The following IGFN1 variants were observed in gnomAD, a reference collection of about 807,000 sequenced individuals.
IGFN1 encodes the protein immunoglobulin-like and fibronectin type III domain-containing protein 1.
A neutral mutation model predicts 289.5 loss-of-function variants in IGFN1; 253 were observed. The observed-to-expected ratio is 0.87, with a 90% CI of 0.79 to 0.97. IGFN1 has a LOEUF of 0.97. IGFN1 is among the 50% of genes least tolerant of loss of function. The pLI is 0.00. For missense variants in IGFN1, 4,470 were observed against 4,686.1 expected, an observed-to-expected ratio of 0.95 and a Z score of 1.35; for synonymous variants, 1,706 against 1,788.5, an observed-to-expected ratio of 0.95 and a Z score of 1.16.
chr1:201,205,159 C>T lies in IGFN1; in HGVS notation c.994C>T (p.Leu332Phe). Residue 332 changes from leucine (L) to phenylalanine (F), a missense_variant, in exon 11 of 24, where the codon CTC becomes TTC. Physicochemically the swap from Leu to Phe is conservative, Grantham distance 22 (BLOSUM62 0). Coordinates refer to ENST00000335211, the MANE Select transcript of IGFN1 (RefSeq NM_001164586.2). ...EQGDAVFECT[L>F]SSPCPSAAWH... ...GGGTGACGCAGTCTTTGAATGTACCCTCTCCAGCCCCTGCCCTAGTGCAGC... is the reference window on the plus strand; with the variant it reads ...GGGTGACGCAGTCTTTGAATGTACCTTCTCCAGCCCCTGCCCTAGTGCAGC... The T allele has an allele frequency of 6.4e-7, 1 of 1,551,210 alleles. No individual in the cohort carries two copies. Among genetic ancestry groups the T allele is most frequent in the South Asian group, 1.2e-5 (1 of 84,062 alleles).
chr1:201,194,914 T>G (rs1666825374), intron 3 of IGFN1, among the ~76,000 whole-genome samples: 1 of 152,226 alleles, frequency 6.6e-6, no homozygotes, highest in Non-Finnish European at 1.5e-5. Flanking sequence ...GGAAGGGCCC[T>G]TGGGCCTTTG....
chr1:201,225,073 C>T (rs1330404594), intron 21 of IGFN1, among the ~76,000 whole-genome samples, 199 bp downstream of exon 21: 1 of 152,258 alleles, frequency 6.6e-6, no homozygotes, highest in Non-Finnish European at 1.5e-5. Context: ...CTTCCATTGT[C>T]CTTCTGCCTC....
In IGFN1 at chr1:201,208,629, C is replaced by A; in HGVS notation, c.3736C>A (p.Pro1246Thr). The A allele has an allele frequency of 6.5e-7, 1 of 1,529,352 alleles. No individual in the cohort carries two copies. The highest frequency in any genetic ancestry group is 8.7e-7 in the Non-Finnish European group (1 of 1,143,466). The allele number at this position is 1,529,352 out of a possible 1,614,324, so 94.7% of individuals were successfully genotyped here. ...SRGLGPRSTG[P>T]GGEAGFRDGS... is the part of the protein sequence containing the mutation. Reference sequence around the variant, plus strand: ...GGGCCTTGGGCCTAGGAGTACAGGGCCAGGGGGTGAGGCAGGCTTTAGAGA... The same window carrying A: ...GGGCCTTGGGCCTAGGAGTACAGGGACAGGGGGTGAGGCAGGCTTTAGAGA... The change falls in exon 12 of 24, where the codon CCA (proline) becomes ACA (threonine). Residue 1246 changes from proline (P) to threonine (T), a missense_variant. Coordinates refer to ENST00000335211, the MANE Select transcript of IGFN1 (RefSeq NM_001164586.2).
At position 201,211,027 on chromosome 1, in the gene IGFN1, G is replaced by A. The variant is rs962667955; in HGVS notation, c.6134G>A (p.Gly2045Asp). The change falls in exon 12 of 24, where the codon GGT (glycine) becomes GAT (aspartate). Residue 2045 changes from glycine to aspartate, a missense_variant. Coordinates refer to ENST00000335211, the MANE Select transcript of IGFN1 (RefSeq NM_001164586.2). ...RKDLGAPERI[G>D]SGSKAGFRDG... ...GATTTGGGGGCTCCTGAGAGAATAG[G>A]TTCAGGAAGTAAGGCAGGTTTTAGG... 1.3e-5 allele frequency: 19 copies of A among 1,497,922 alleles called. No homozygotes were observed. The highest frequency in any genetic ancestry group is 1.6e-5 in the Non-Finnish European group (18 of 1,123,852). The allele number at this position is 1,497,922 out of a possible 1,614,324, so 92.8% of individuals were successfully genotyped here. A position where few individuals can be genotyped will look rare whatever the true frequency, so the allele number is the denominator to read the frequency against.
intron 7 of IGFN1, 78 bp from the exon 8 acceptor site, chr1:201,200,159 C>T (rs547614596): frequency 8.2e-7 from 1 of 1,222,644 alleles, no homozygotes; most frequent in Non-Finnish European, 1.1e-6. Flanking sequence ...CCCAGAACTA[C>T]TTGGGACACC....
chr1:201,211,495 G>A lies in IGFN1; in HGVS notation c.6602G>A (p.Gly2201Glu), dbSNP rs1558148979. 2 of 1,503,156 alleles carry A rather than the reference G, an allele frequency of 1.3e-6. No individual in the cohort carries two copies. The highest frequency in any genetic ancestry group is 1.8e-6 in the Non-Finnish European group (2 of 1,127,364). The allele number at this position is 1,503,156 out of a possible 1,614,324, so 93.1% of individuals were successfully genotyped here. A position where few individuals can be genotyped will look rare whatever the true frequency, so the allele number is the denominator to read the frequency against. The change falls in exon 12 of 24, where the codon GGG becomes GAG. Residue 2201 changes from glycine (G) to glutamate (E), a missense_variant. Coordinates refer to ENST00000335211, the MANE Select transcript of IGFN1 (RefSeq NM_001164586.2). The part of the protein sequence containing the change: ...GSKAGFRDGL[G>E]GSEEMGSVNK... Reference sequence around the variant, plus strand: ...AAGGCAGGTTTCAGGGATGGTTTAGGGGGTTCTGAAGAAATGGGGTCAGTG... The same window carrying A: ...AAGGCAGGTTTCAGGGATGGTTTAGAGGGTTCTGAAGAAATGGGGTCAGTG...
chr1:201,216,939 T>C (rs1032439114), intron 16 of IGFN1, among the ~76,000 whole-genome samples, 186 bp downstream of exon 16: 3 of 151,950 alleles, frequency 2.0e-5, no homozygotes, highest in African/African-American at 4.8e-5. Flanking sequence ...GATCAGGAAG[T>C]GTTTTACAGA....
Position 201,195,878 on chromosome 1 carries a change from C to T in IGFN1, c.167C>T (p.Pro56Leu). 2 of 1,551,712 alleles carry T rather than the reference C, an allele frequency of 1.3e-6. No homozygotes were observed. The highest frequency in any genetic ancestry group is 1.7e-6 in the Non-Finnish European group (2 of 1,146,996). ...AVFRAVVCGE[P>L]RPEVRWQNSK... is the part of the protein sequence containing the mutation. Reference sequence around the variant, plus strand: ...TTTCGGGCTGTGGTCTGTGGGGAGCCCAGGCCCGAGGTGCGTTGGCAGAAC... The same window carrying T: ...TTTCGGGCTGTGGTCTGTGGGGAGCTCAGGCCCGAGGTGCGTTGGCAGAAC... The change falls in exon 4 of 24, where the codon CCC (proline) becomes CTC (leucine). Residue 56 changes from proline (P) to leucine (L), a missense_variant. Physicochemically the swap from Pro to Leu is moderately conservative, Grantham distance 98. Transcript: ENST00000335211.
At chr1:201,202,291 T>C (rs1052532119) in intron 9 of IGFN1, among the ~76,000 whole-genome samples, 10 of 152,206 alleles carry the variant, frequency 6.6e-5, no homozygotes, top group African/African-American at 2.4e-4. Context: ...TCATCACTTA[T>C]AAGCTGTATG....
rs1455035627 is a variant in IGFN1 at position 201,201,818 on chromosome 1, A to T, written c.733A>T (p.Ile245Phe). 8 of 1,299,862 alleles carry T rather than the reference A, an allele frequency of 6.2e-6. No homozygotes were observed. Among genetic ancestry groups the T allele is most frequent in the Admixed American group, 2.1e-5 (1 of 48,266 alleles). 80.5% of individuals were successfully genotyped at this position (1,299,862 alleles called of 1,614,324 possible). The change falls in exon 9 of 24, where the codon ATT (isoleucine) becomes TTT (phenylalanine). Residue 245 changes from isoleucine (I) to phenylalanine (F), a missense_variant. By Grantham distance (21) the Ile-to-Phe change is conservative. This residue lies in a region of IGFN1 where 2,011 missense variants were observed against 1,953.4 expected (regional missense o/e 1.03). Coordinates refer to ENST00000335211, the MANE Select transcript of IGFN1 (RefSeq NM_001164586.2). Reference sequence around the variant, plus strand: ...GGATCTCAAGGATTCTCAGAGCAAGATTTACCTGTATAAGGTGAGGCTGGA... The same window carrying T: ...GGATCTCAAGGATTCTCAGAGCAAGTTTTACCTGTATAAGGTGAGGCTGGA... Reference protein sequence around the residue: ...ELDLKDSQSKIYLYKDGEMIP... With the variant: ...ELDLKDSQSKFYLYKDGEMIP...
intron 21 of IGFN1, 122 bp downstream of exon 21, chr1:201,224,996 C>A: frequency 1.6e-6 from 1 of 644,180 alleles, no homozygotes; most frequent in Non-Finnish European, 2.6e-6. Context: ...GCAAAGTGAC[C>A]ATTCTCCACC....
chr1:201,205,447 G>A (rs764019158), intron 11 of IGFN1, 93 bp downstream of exon 11: 65 of 1,333,476 alleles, frequency 4.9e-5, no homozygotes, highest in Non-Finnish European at 6.0e-5. Context: ...GATTTCCTTT[G>A]GTCAGAGAGA....
At position 201,228,279 on chromosome 1, in the gene IGFN1, G is replaced by T. The variant is rs1295225962; in HGVS notation, c.11114-107G>T. On this transcript the variant is annotated intron_variant, in intron 23 of 23. Transcript: ENST00000335211. Reference sequence around the variant, plus strand: ...AGATTTGAACCCACACCCCCTGATGGCAGAGCCTGTAGTCTAAGCCCCATT... The same window carrying T: ...AGATTTGAACCCACACCCCCTGATGTCAGAGCCTGTAGTCTAAGCCCCATT... 2.6e-6 allele frequency: 3 copies of T among 1,147,206 alleles called. No homozygotes were observed. The African/African-American group carries it at 4.5e-5, about 17-fold the overall frequency. The allele number at this position is 1,147,206 out of a possible 1,614,324, so 71.1% of individuals were successfully genotyped here.
At chr1:201,203,958 G>T in intron 10 of IGFN1, 52 bp downstream of exon 10, 1 of 1,485,248 alleles carries the variant, frequency 6.7e-7, no homozygotes, top group Non-Finnish European at 9.1e-7. Context: ...GTTAGAAATG[G>T]AGTCCATGTT....
At chr1:201,224,183 A>C (rs982297206) in intron 20 of IGFN1, among the ~76,000 whole-genome samples, 3 of 152,152 alleles carry the variant, frequency 2.0e-5, no homozygotes, top group African/African-American at 4.8e-5. Flanking sequence ...ACCACAGTTC[A>C]AGGCCAGGAC....
chr1:201,214,256 C>T lies in IGFN1; in HGVS notation c.8808C>T (p.Leu2936=), dbSNP rs969399277. The T allele has an allele frequency of 3.3e-5, 54 of 1,613,380 alleles. No individual in the cohort carries two copies. The highest frequency in any genetic ancestry group is 5.0e-5 in the Admixed American group (3 of 59,992). ...AGGCCGCCACACTCTCCTGTACCCTCACCAGTGACCTGGGACCTGGCACCT... is the reference window on the plus strand; with the variant it reads ...AGGCCGCCACACTCTCCTGTACCCTTACCAGTGACCTGGGACCTGGCACCT... ...PGEAATLSCT[L]TSDLGPGTWF... The change falls in exon 13 of 24, where the codon CTC becomes CTT. Residue 2936 remains leucine (L), a synonymous_variant. Transcript: ENST00000335211.
intron 20 of IGFN1, among the ~76,000 whole-genome samples, chr1:201,223,474 G>A (rs1048299842): frequency 1.3e-5 from 2 of 152,062 alleles, no homozygotes; most frequent in Non-Finnish European, 2.9e-5. Context: ...GGGTTCTAGC[G>A]ATTCTCCTGC....
Position 201,212,930 on chromosome 1 carries a change from C to A in IGFN1, c.8037C>A (p.Gly2679=), listed in dbSNP as rs1480395177. 11 of 1,551,354 alleles carry A rather than the reference C, an allele frequency of 7.1e-6. No individual in the cohort carries two copies. The highest frequency in any genetic ancestry group is 8.7e-6 in the Non-Finnish European group (10 of 1,146,958). The stretch of plus-strand genomic sequence containing the variant: ...TTAAGGGTGGGGAGGGTGCACCAGG[C>A]CAAGAGGCGGCTGGTGGATGCCGAA... ...GGFKGGEGAP[G]QEAAGGCRSP... is the part of the protein sequence containing the mutation. Residue 2679 remains glycine (G), a synonymous_variant, in exon 12 of 24, where the codon GGC becomes GGA. Transcript: ENST00000335211.
rs180743740 is a variant in IGFN1, at chr1:201,218,552, C to T, written c.9792C>T (p.Asp3264=). 81 of 1,613,250 alleles carry T rather than the reference C, an allele frequency of 5.0e-5. No homozygotes were observed. The East Asian group carries it at 1.7e-3, about 34-fold the overall frequency. ...PVPERRWTVA[D]VRQGCQYEFR... ...CAGAGAGGAGGTGGACGGTGGCGGA[C>T]GTGCGGCAGGGCTGTCAGTATGAGT... is the stretch of plus-strand genomic sequence containing the variant. Residue 3264 remains aspartate, a synonymous_variant, in exon 18 of 24, where the codon GAC becomes GAT. Coordinates refer to ENST00000335211, the MANE Select transcript of IGFN1 (RefSeq NM_001164586.2).
Sources: allele counts gnomAD v4.1 joint callset (sites outside exome capture counted in the v4.1 genomes callset), GRCh38; gene constraint gnomAD v4.1.1; regional missense constraint gnomAD v4.1.1; transcripts MANE v1.5; gene names NCBI Gene and HGNC (gene_info 2026-07-23, HGNC 2026-07-21).